The following PELP1 variants were observed in gnomAD, a reference collection of about 807,000 sequenced individuals.
PELP1 encodes the protein proline, glutamate and leucine rich protein 1.
In PELP1, 32 loss-of-function variants were observed where a neutral mutation model predicts 95.5. The ratio of observed to expected loss-of-function variants is 0.34; its 90% CI spans 0.25 to 0.45. The LOEUF (loss-of-function observed/expected upper bound fraction) is 0.45, where lower values mean the gene tolerates loss of function less well. PELP1 is among the 20% of genes least tolerant of loss of function. The pLI is 1.00. For synonymous variants in PELP1, 668 were observed against 600.1 expected (o/e 1.11, Z -1.65); for missense variants, 1,358 against 1,444.8 (o/e 0.94, Z 0.97).
chr17:4,679,357 T>G (rs1397204908), intron 5 of PELP1, among the ~76,000 whole-genome samples: 2 of 152,170 alleles, frequency 1.3e-5, no homozygotes, highest in Non-Finnish European at 2.9e-5. Context: ...ATGCAGGCCT[T>G]AAGTTCAACT....
intron 1 of PELP1, among the ~76,000 whole-genome samples, chr17:4,697,279 A>G (rs910752282): frequency 2.0e-5 from 3 of 152,160 alleles, no homozygotes; most frequent in Non-Finnish European, 4.4e-5. Context: ...TTAGGAGGCT[A>G]AAGTGGGAAG....
chr17:4,677,016 C>T (rs1014118702), intron 5 of PELP1, among the ~76,000 whole-genome samples: 1 of 152,156 alleles, frequency 6.6e-6, no homozygotes, highest in African/African-American at 2.4e-5. Context: ...CTCTGGTCCT[C>T]GGCTTCCTGC....
intron 5 of PELP1, among the ~76,000 whole-genome samples, chr17:4,677,557 A>C (rs528755929): frequency 6.6e-6 from 1 of 152,380 alleles, no homozygotes; most frequent in Admixed American, 6.5e-5. Flanking sequence ...ATCCTGAAAT[A>C]TCATTCACAT....
intron 1 of PELP1, 164 bp from the exon 2 acceptor site, chr17:4,691,606 T>C (rs1913102899): frequency 9.8e-6 from 6 of 609,952 alleles, no homozygotes; most frequent in Non-Finnish European, 1.8e-5. Flanking sequence ...TTTCCCCTTT[T>C]TTCCTGTGGG....
intron 3 of PELP1, among the ~76,000 whole-genome samples, chr17:4,683,665 G>C (rs1465438111): frequency 2.7e-5 from 4 of 150,522 alleles, no homozygotes; most frequent in Non-Finnish European, 5.9e-5. Context: ...TGAGTAGCTG[G>C]GATTACAGGC....
chr17:4,691,609 C>T (rs1913103091), intron 1 of PELP1, 167 bp from the exon 2 acceptor site: 3 of 609,758 alleles, frequency 4.9e-6, no homozygotes, highest in African/African-American at 1.9e-5. Context: ...CCCCTTTTTT[C>T]CTGTGGGAAA....
At position 4,675,235 on chromosome 17, in the gene PELP1, G is replaced by A. The variant is rs778724528; in HGVS notation, c.1157+39C>T. On this transcript the variant is annotated intron_variant, in intron 10 of 16. Coordinates refer to ENST00000572293, the MANE Select transcript of PELP1 (RefSeq NM_014389.3). This position sits in a 1 kb window ranked among gnomAD's most constrained non-coding sequence, Gnocchi z 4.3. ...GAATGGTGACCCTCGTTTCTGGCAC[G>A]CCCTATCCCTTCACCACAGCCAGCC... 31 of 1,600,078 alleles carry A rather than the reference G, an allele frequency of 1.9e-5. No homozygotes were observed. Among genetic ancestry groups the A allele is most frequent in the Admixed American group, 3.5e-5 (2 of 57,402 alleles).
At chr17:4,691,849 C>T (rs1431209990) in intron 1 of PELP1, 1 of 159,746 alleles carries the variant, frequency 6.3e-6, no homozygotes, top group Non-Finnish European at 1.4e-5. Context: ...TCAAACAAAT[C>T]CTCCTCCCCC....
At chr17:4,699,941 C>T (rs1239815231) in intron 1 of PELP1, among the ~76,000 whole-genome samples, 3 of 111,966 alleles carry the variant, frequency 2.7e-5, no homozygotes, top group African/African-American at 6.7e-5. Flanking sequence ...TTCACTCTAT[C>T]ACCCAGGCTA....
rs1280968814 is a variant in PELP1 at position 4,704,061 on chromosome 17, A to G, written c.51T>C (p.Val17=). The G allele has an allele frequency of 6.2e-7, 1 of 1,612,156 alleles. No individual in the cohort carries two copies. The highest frequency in any genetic ancestry group is 1.7e-4 in the Middle Eastern group (1 of 6,058). The change falls in exon 1 of 17, where the codon GTT becomes GTC. Residue 17 remains valine (V), a synonymous_variant. Coordinates refer to ENST00000572293, the MANE Select transcript of PELP1 (RefSeq NM_014389.3). The stretch of plus-strand genomic sequence containing the variant: ...CCGAGAGACCCCCGGTCCCGCCAGG[A>G]ACCCCAGCCGCGGAGCCCGCAGAGG... ...SGPSAGSAAG[V]PGGTGGLSAV... is the part of the protein sequence containing the mutation.
At chr17:4,694,891 A>C (rs2150564729) in intron 1 of PELP1, among the ~76,000 whole-genome samples, 1 of 151,938 alleles carries the variant, frequency 6.6e-6, no homozygotes, top group African/African-American at 2.4e-5. Flanking sequence ...GAATCGCTTG[A>C]ACCTGAGAGA....
intron 1 of PELP1, among the ~76,000 whole-genome samples, chr17:4,702,174 T>G (rs1913565307): frequency 6.6e-6 from 1 of 152,164 alleles, no homozygotes; most frequent in Non-Finnish European, 1.5e-5. Flanking sequence ...ATTCCAGCAC[T>G]TTGGGAAGCC....
intron 3 of PELP1, 84 bp from the exon 4 acceptor site, chr17:4,683,036 A>G: frequency 7.2e-7 from 1 of 1,379,430 alleles, no homozygotes; most frequent in Non-Finnish European, 9.4e-7. Context: ...AAGCCTTCTG[A>G]GGAATGCCAC....
chr17:4,694,865 G>A (rs1913236516), intron 1 of PELP1, among the ~76,000 whole-genome samples: 2 of 151,572 alleles, frequency 1.3e-5, no homozygotes. Context: ...CAGCTACTCG[G>A]GAGGCTAAGG....
intron 3 of PELP1, among the ~76,000 whole-genome samples, chr17:4,687,336 A>T (rs1912941083): frequency 6.6e-6 from 1 of 152,148 alleles, no homozygotes; most frequent in African/African-American, 2.4e-5. Context: ...TGAGGTCAGG[A>T]GATCGAGATC....
At chr17:4,690,306 C>T (rs1382025119) in intron 3 of PELP1, among the ~76,000 whole-genome samples, 2 of 152,038 alleles carry the variant, frequency 1.3e-5, no homozygotes, top group African/African-American at 4.8e-5. Context: ...GGATAAAAAA[C>T]TACATATTGA....
At position 4,672,898 on chromosome 17, in the gene PELP1, G is replaced by C. The variant is rs769427960; in HGVS notation, c.2093C>G (p.Ala698Gly). 6.2e-7 allele frequency: 1 copy of C among 1,613,764 alleles called. No individual in the cohort carries two copies. The highest frequency in any genetic ancestry group is 1.3e-5 in the African/African-American group (1 of 75,042). ...PMPSAGPVPS[A>G]RPGPPTTANH... ...GGCTGTGGTGGGAGGTCCAGGGCGT[G>C]CCGAGGGCACAGGGCCTGCTGAGGG... Residue 698 changes from alanine (A) to glycine (G), a missense_variant, in exon 16 of 17, where the codon GCA (alanine) becomes GGA (glycine). This residue lies in a region of PELP1 where 340 missense variants were observed against 322.9 expected (regional missense o/e 1.05). Transcript: ENST00000572293.
intron 3 of PELP1, among the ~76,000 whole-genome samples, chr17:4,684,977 G>A (rs945839918): frequency 1.5e-4 from 23 of 152,146 alleles, no homozygotes; most frequent in Admixed American, 1.5e-3. Flanking sequence ...GGGATTACAG[G>A]GGTGAGCCAC....
chr17:4,697,364 AT>A (rs1179791541), intron 1 of PELP1, among the ~76,000 whole-genome samples: 3 of 152,108 alleles, frequency 2.0e-5, no homozygotes, highest in African/African-American at 7.2e-5. Context: ...AATCAAACAG[AT>A]TAGCTGGGTG....
Sources: allele counts gnomAD v4.1 joint callset (sites outside exome capture counted in the v4.1 genomes callset), GRCh38; gene constraint gnomAD v4.1.1; regional missense constraint gnomAD v4.1.1; non-coding constraint Gnocchi (gnomAD v3.1); transcripts MANE v1.5; gene names NCBI Gene and HGNC (gene_info 2026-07-23, HGNC 2026-07-21).